The following RABGAP1L variants were observed in gnomAD, a reference collection of about 807,000 sequenced individuals.
The protein encoded by RABGAP1L is rab GTPase-activating protein 1-like.
A neutral mutation model predicts 137.7 loss-of-function variants in RABGAP1L; 63 were observed. That is an observed-to-expected ratio of 0.46 (90% CI 0.37 to 0.56). RABGAP1L has a LOEUF of 0.56. Ranked by LOEUF, RABGAP1L falls within the 20% of genes least tolerant of loss-of-function variation. RABGAP1L has a pLI of 0.00. For missense variants in RABGAP1L, 1,095 were observed against 1,244.0 expected, an observed-to-expected ratio of 0.88 and a Z score of 1.80; for synonymous variants, 431 against 433.7, an observed-to-expected ratio of 0.99 and a Z score of 0.08.
chr1:174,931,424 G>T (rs1475172151), intron 19 of RABGAP1L, among the ~76,000 whole-genome samples: 2 of 152,066 alleles, frequency 1.3e-5, no homozygotes, highest in Non-Finnish European at 2.9e-5. Flanking sequence ...GATTTTCTTT[G>T]TGAGGCTTTT....
chr1:174,738,536 A>G (rs377358578), intron 17 of RABGAP1L, among the ~76,000 whole-genome samples: 19 of 152,220 alleles, frequency 1.2e-4, no homozygotes, highest in African/African-American at 4.6e-4. Context: ...CTTAGACTTA[A>G]TGAATCAGAA....
chr1:174,159,766 AG>A (rs1664259560), intron 1 of RABGAP1L, 109 bp downstream of exon 1: 1 of 152,364 alleles, frequency 6.6e-6, no homozygotes, highest in Non-Finnish European at 1.5e-5. Context: ...GGGAGGGTCG[AG>A]ATGGGGCCCC....
intron 17 of RABGAP1L, among the ~76,000 whole-genome samples, chr1:174,734,667 T>C (rs555292734): frequency 1.5e-4 from 23 of 152,282 alleles, no homozygotes; most frequent in Admixed American, 1.2e-3. Flanking sequence ...ACCTTGAATG[T>C]TGGATTGTAG....
At chr1:174,259,865 C>T (rs1323134951) in intron 7 of RABGAP1L, among the ~76,000 whole-genome samples, 7 of 148,790 alleles carry the variant, frequency 4.7e-5, no homozygotes, top group Non-Finnish European at 7.4e-5. Context: ...GACAGAGTCT[C>T]ACTCTGTCAC....
intron 14 of RABGAP1L, among the ~76,000 whole-genome samples, chr1:174,650,866 C>A (rs1346448014): frequency 7.2e-6 from 1 of 138,638 alleles, no homozygotes; most frequent in South Asian, 2.3e-4. Context: ...TTATTTCTTG[C>A]CTTCTGCTAG....
intron 11 of RABGAP1L, among the ~76,000 whole-genome samples, chr1:174,353,892 G>A (rs529916564): frequency 4.7e-4 from 72 of 152,210 alleles, no homozygotes; most frequent in Middle Eastern, 6.8e-3. Context: ...TCTGGTATTC[G>A]AATTTGCTCA....
intron 7 of RABGAP1L, among the ~76,000 whole-genome samples, chr1:174,267,081 C>CT (rs1674135641): frequency 6.6e-6 from 1 of 152,154 alleles, no homozygotes; most frequent in African/African-American, 2.4e-5. Context: ...TATACTTCTG[C>CT]TTTGGATTAA....
chr1:174,537,986 T>G (rs1665027143), intron 13 of RABGAP1L, among the ~76,000 whole-genome samples: 1 of 152,158 alleles, frequency 6.6e-6, no homozygotes, highest in Non-Finnish European at 1.5e-5. Context: ...GAAGCTTACA[T>G]TGTTATGTAA....
At chr1:174,976,742 CA>C (rs1412351307) in intron 22 of RABGAP1L, among the ~76,000 whole-genome samples, 2 of 152,142 alleles carry the variant, frequency 1.3e-5, no homozygotes, top group African/African-American at 4.8e-5. Context: ...TTGAAGTTAG[CA>C]CCCTACACTC....
chr1:174,658,946 C>A (rs1201565108), intron 14 of RABGAP1L, among the ~76,000 whole-genome samples: 1 of 151,998 alleles, frequency 6.6e-6, no homozygotes, highest in Non-Finnish European at 1.5e-5. Context: ...GTTTTAGGCA[C>A]CTGTAAAGAA....
chr1:174,448,759 C>A lies in RABGAP1L; in HGVS notation c.1710+54614C>A. The A allele has an allele frequency of 6.2e-7, 1 of 1,613,864 alleles. No homozygotes were observed. Among genetic ancestry groups the A allele is most frequent in the South Asian group, 1.1e-5 (1 of 91,084 alleles). ...TTTGTTTACTTTATGCTCCTGCTGC[C>A]TTTGTTGTCTGCTTCACTTACTTCC... On this transcript the variant is annotated intron_variant, in intron 13 of 25. Transcript: ENST00000681986. This position sits in a 1 kb window ranked among gnomAD's most constrained non-coding sequence, Gnocchi z 4.2.
chr1:174,961,298 T>C (rs1399737304), intron 20 of RABGAP1L, among the ~76,000 whole-genome samples: 2 of 152,194 alleles, frequency 1.3e-5, no homozygotes, highest in Non-Finnish European at 2.9e-5. Context: ...TTTATCAATA[T>C]GTGTAGCTGT....
At position 174,279,347 on chromosome 1, in the gene RABGAP1L, GATA is replaced by G. The variant is rs1320931749; in HGVS notation, c.1323+574_1323+576del. Among the ~76,000 whole-genome samples the G allele has an allele frequency of 3.3e-5, 5 of 152,096 alleles. No individual in the cohort carries two copies. The East Asian group carries it at 5.8e-4, about 18-fold the overall frequency. On this transcript the variant is annotated intron_variant, in intron 10 of 25. Transcript: ENST00000681986. ...CTTTTGTATTATAGCAAAGGAAGCA[GATA>G]ATAATGAAAAATAACTTGAATGCTA...
chr1:174,799,348 C>T (rs981504159), intron 18 of RABGAP1L, among the ~76,000 whole-genome samples: 2 of 152,190 alleles, frequency 1.3e-5, no homozygotes, highest in Non-Finnish European at 2.9e-5. Context: ...TCTGTCCATA[C>T]TCTATCATTT....
At chr1:174,854,073 T>C (rs554546650) in intron 19 of RABGAP1L, among the ~76,000 whole-genome samples, 1 of 152,336 alleles carries the variant, frequency 6.6e-6, no homozygotes, top group East Asian at 1.9e-4. Flanking sequence ...GAATGTCAGA[T>C]TGCAGGCTGC....
chr1:174,172,212 GTGTGTATA>G (rs1246471921), intron 1 of RABGAP1L, among the ~76,000 whole-genome samples: 1 of 119,616 alleles, frequency 8.4e-6, no homozygotes, highest in African/African-American at 3.2e-5. Flanking sequence ...GTGTGTGTGT[GTGTGTATA>G]TATGCCACAA....
intron 10 of RABGAP1L, 73 bp from the exon 11 acceptor site, chr1:174,304,913 A>T: frequency 1.5e-6 from 2 of 1,308,476 alleles, no homozygotes; most frequent in Non-Finnish European, 2.1e-6. Context: ...TTTTGAATGC[A>T]TTATTTAAAT....
At chr1:174,933,212 T>C (rs1664157326) in intron 19 of RABGAP1L, among the ~76,000 whole-genome samples, 1 of 152,216 alleles carries the variant, frequency 6.6e-6, no homozygotes. Context: ...TTCTAGTTTT[T>C]CATCTTTCTG....
At chr1:174,314,974 G>C (rs1679230180) in intron 11 of RABGAP1L, among the ~76,000 whole-genome samples, 2 of 152,118 alleles carry the variant, frequency 1.3e-5, no homozygotes, top group African/African-American at 4.8e-5. Flanking sequence ...GCAGCCATTG[G>C]ATGAAATATT....
Sources: allele counts gnomAD v4.1 joint callset (sites outside exome capture counted in the v4.1 genomes callset), GRCh38; gene constraint gnomAD v4.1.1; non-coding constraint Gnocchi (gnomAD v3.1); transcripts MANE v1.5; gene names NCBI Gene and HGNC (gene_info 2026-07-23, HGNC 2026-07-21).